Variants in CEP89 observed in about 807,000 individuals in gnomAD.
CEP89 encodes the protein centrosomal protein 89.
A neutral mutation model predicts 97.6 loss-of-function variants in CEP89; 95 were observed. The ratio of observed to expected loss-of-function variants is 0.97; its 90% CI spans 0.82 to 1.15. The LOEUF is 1.15. Ranked by LOEUF, CEP89 falls within the 50% of genes most tolerant of loss-of-function variation. CEP89 has a pLI of 0.00. For missense variants in CEP89, 869 were observed against 947.7 expected, an observed-to-expected ratio of 0.92 and a Z score of 1.09; for synonymous variants, 354 against 349.1, an observed-to-expected ratio of 1.01 and a Z score of -0.16.
At chr19:32,896,871 C>T (rs1969654652) in intron 16 of CEP89, among the ~76,000 whole-genome samples, 1 of 151,544 alleles carries the variant, frequency 6.6e-6, no homozygotes, top group Non-Finnish European at 1.5e-5. Context: ...TCTAAATAGA[C>T]ATTCCCCAAA....
Position 32,879,056 on chromosome 19 carries a change from G to A in CEP89, c.*106C>T. On this transcript the variant is annotated 3_prime_UTR_variant, in exon 19 of 19. Coordinates refer to ENST00000305768, the MANE Select transcript of CEP89 (RefSeq NM_032816.5). Reference sequence around the variant, plus strand: ...TCTTCCCTGCCCTGCAGCGTTCAGTGGGCTTACGCACCTCCGGCTGCCACC... The same window carrying A: ...TCTTCCCTGCCCTGCAGCGTTCAGTAGGCTTACGCACCTCCGGCTGCCACC... 1 of 794,814 alleles carries A rather than the reference G, an allele frequency of 1.3e-6. No homozygotes were observed. Among genetic ancestry groups the A allele is most frequent in the East Asian group, 2.5e-5 (1 of 40,510 alleles). The allele number at this position is 794,814 out of a possible 1,614,324, so 49.2% of individuals were successfully genotyped here.
intron 12 of CEP89, among the ~76,000 whole-genome samples, chr19:32,920,694 C>T (rs1970229503): frequency 6.6e-6 from 1 of 151,630 alleles, no homozygotes; most frequent in South Asian, 2.1e-4. Context: ...ATGTTAGCCA[C>T]ACTGGTCTCA....
chr19:32,943,844 T>G (rs1970738649), intron 5 of CEP89, among the ~76,000 whole-genome samples: 1 of 151,748 alleles, frequency 6.6e-6, no homozygotes, highest in Non-Finnish European at 1.5e-5. Flanking sequence ...AGATCCAATT[T>G]AAAAGGGTCT....
At chr19:32,964,903 CT>C (rs1264848980) in intron 2 of CEP89, among the ~76,000 whole-genome samples, 3 of 151,888 alleles carry the variant, frequency 2.0e-5, no homozygotes, top group Admixed American at 1.3e-4. Flanking sequence ...TTAAAATAAA[CT>C]TTTTTAGAGG....
At chr19:32,901,691 A>G (rs1179367107) in intron 14 of CEP89, among the ~76,000 whole-genome samples, 1 of 151,812 alleles carries the variant, frequency 6.6e-6, no homozygotes, top group Non-Finnish European at 1.5e-5. Context: ...GCAGTGGCAC[A>G]ATCATGGCTC....
rs991182883 is a variant in CEP89, at chr19:32,877,405, G to T, written c.*1757C>A. ...GCCACCCCTGAGTCCCACAGTTAGG[G>T]TCCTTTGTAGCCCAATGTCCCCAAG... On this transcript the variant is annotated 3_prime_UTR_variant, in exon 19 of 19. Transcript: ENST00000305768. 3 of 152,166 alleles carry T rather than the reference G, an allele frequency of 2.0e-5. No individual in the cohort carries two copies. The highest frequency in any genetic ancestry group is 7.2e-5 in the African/African-American group (3 of 41,426). The allele number at this position is 152,166 out of a possible 1,614,324, so 9.4% of individuals were successfully genotyped here. A position where few individuals can be genotyped will look rare whatever the true frequency, so the allele number is the denominator to read the frequency against.
At chr19:32,892,764 A>C (rs1400637891) in intron 16 of CEP89, among the ~76,000 whole-genome samples, 1 of 152,104 alleles carries the variant, frequency 6.6e-6, no homozygotes, top group Admixed American at 6.5e-5. Flanking sequence ...AAAGACTTAC[A>C]GATAAGCAAA....
intron 1 of CEP89, chr19:32,969,906 G>C (rs534532839): frequency 2.1e-4 from 32 of 152,272 alleles, no homozygotes; most frequent in African/African-American, 7.5e-4. Flanking sequence ...CTGCAGCAGC[G>C]GTTTGCGGCT....
chr19:32,967,415 A>C (rs1374558091), intron 1 of CEP89, among the ~76,000 whole-genome samples: 2 of 152,110 alleles, frequency 1.3e-5, no homozygotes, highest in Non-Finnish European at 2.9e-5. Flanking sequence ...CTTCATCCCC[A>C]AAGTGGTGAG....
chr19:32,879,887 A>G (rs1235534700), intron 18 of CEP89, among the ~76,000 whole-genome samples: 2 of 152,310 alleles, frequency 1.3e-5, no homozygotes, highest in South Asian at 2.1e-4. Flanking sequence ...CTTCCGCTCC[A>G]TACAGCCCAG....
At chr19:32,956,289 C>T (rs1310147122) in intron 3 of CEP89, among the ~76,000 whole-genome samples, 6 of 151,520 alleles carry the variant, frequency 4.0e-5, no homozygotes, top group Non-Finnish European at 8.8e-5. Context: ...CTGCTGACCT[C>T]GTGATCCGTC....
At chr19:32,955,922 C>T (rs1971037385) in intron 3 of CEP89, among the ~76,000 whole-genome samples, 1 of 152,146 alleles carries the variant, frequency 6.6e-6, no homozygotes, top group African/African-American at 2.4e-5. Context: ...TTTTCTAAAA[C>T]TTGCCAAAAC....
At chr19:32,880,653 A>G (rs1041628780) in intron 18 of CEP89, among the ~76,000 whole-genome samples, 1 of 151,958 alleles carries the variant, frequency 6.6e-6, no homozygotes, top group Non-Finnish European at 1.5e-5. Flanking sequence ...AAAAAAAAAA[A>G]AAAAAAAATT....
At chr19:32,912,724 G>C (rs1011991210) in intron 14 of CEP89, among the ~76,000 whole-genome samples, 6 of 151,908 alleles carry the variant, frequency 3.9e-5, no homozygotes, top group Non-Finnish European at 1.5e-5. Context: ...ATTTTATATA[G>C]CTACACACAT....
Position 32,953,808 on chromosome 19 carries a change from T to C in CEP89, c.306-7A>G. On this transcript the variant is annotated splice_region_variant and splice_polypyrimidine_tract_variant and intron_variant, in intron 3 of 18. Transcript: ENST00000305768. ...CTCACTCTGCCAATTTGGCCTGTAT[T>C]AGAATATTCATGGGGAAAACAAACA... 2 of 1,602,970 alleles carry C rather than the reference T, an allele frequency of 1.2e-6. No homozygotes were observed. Among genetic ancestry groups the C allele is most frequent in the Non-Finnish European group, 1.7e-6 (2 of 1,171,080 alleles).
chr19:32,878,529 C>A lies in CEP89; in HGVS notation c.*633G>T, dbSNP rs1969210207. On this transcript the variant is annotated 3_prime_UTR_variant, in exon 19 of 19. Transcript: ENST00000305768. ...GCCCAACCCTTCCAGCACTTCCCAG[C>A]TGCAGATCTAGGAGCTGGAAGGCAG... The A allele has an allele frequency of 6.6e-6, 1 of 152,264 alleles. No individual in the cohort carries two copies. The highest frequency in any genetic ancestry group is 2.1e-4 in the South Asian group (1 of 4,830). The allele number at this position is 152,264 out of a possible 1,614,324, so 9.4% of individuals were successfully genotyped here. A position where few individuals can be genotyped will look rare whatever the true frequency, so the allele number is the denominator to read the frequency against.
intron 5 of CEP89, among the ~76,000 whole-genome samples, chr19:32,940,953 G>C (rs1227152020): frequency 6.6e-6 from 1 of 151,898 alleles, no homozygotes; most frequent in East Asian, 1.9e-4. Context: ...TAGAGACAGG[G>C]TTCCCCCACG....
Position 32,933,456 on chromosome 19 carries a change from T to C in CEP89, c.881A>G (p.Gln294Arg). 1 of 1,612,914 alleles carries C rather than the reference T, an allele frequency of 6.2e-7. No homozygotes were observed. The highest frequency in any genetic ancestry group is 8.5e-7 in the Non-Finnish European group (1 of 1,179,306). The change falls in exon 8 of 19, where the codon CAG (glutamine) becomes CGG (arginine). Residue 294 changes from glutamine (Q) to arginine (R), a missense_variant. Transcript: ENST00000305768. ...KLKEAEKASS[Q>R]EVAAPELLYL... ...GGCACTCTGTCTGTCCCCACCTTCC[T>C]GTGACGACGCCTTCTCAGCCTCTTT...
chr19:32,880,422 T>C (rs2145864190), intron 18 of CEP89, among the ~76,000 whole-genome samples: 1 of 152,228 alleles, frequency 6.6e-6, no homozygotes, highest in South Asian at 2.1e-4. Context: ...TTAATTAAAC[T>C]ATGTCTAAAA....
Sources: allele counts gnomAD v4.1 joint callset (sites outside exome capture counted in the v4.1 genomes callset), GRCh38; gene constraint gnomAD v4.1.1; transcripts MANE v1.5; gene names NCBI Gene and HGNC (gene_info 2026-07-23, HGNC 2026-07-21).